ACD: variants seen among roughly 807,000 people sequenced by gnomAD.
ACD encodes adrenocortical dysplasia protein homolog.
Under a neutral mutation model 53.9 loss-of-function variants are expected in ACD, and 39 were observed. The ratio of observed to expected loss-of-function variants is 0.72; its 90% CI spans 0.56 to 0.95. The LOEUF is 0.95. ACD is among the 40% of genes least tolerant of loss of function. ACD has a pLI of 0.00. For missense variants in ACD, 526 were observed against 587.9 expected, an observed-to-expected ratio of 0.89 and a Z score of 1.09; for synonymous variants, 273 against 249.2, an observed-to-expected ratio of 1.10 and a Z score of -0.90.
intron 5 of ACD, 38 bp downstream of exon 5, chr16:67,659,336 CA>C: frequency 6.2e-7 from 1 of 1,614,070 alleles, no homozygotes; most frequent in Non-Finnish European, 8.5e-7. Context: ...ATCCCCTCAC[CA>C]AACAACACGT....
intron 9 of ACD, 64 bp from the exon 10 acceptor site, chr16:67,658,426 G>C: frequency 6.2e-7 from 1 of 1,610,406 alleles, no homozygotes; most frequent in South Asian, 1.1e-5. Context: ...AGTGGCCTGC[G>C]AGCTCAGACA....
At position 67,658,279 on chromosome 16, in the gene ACD, G is replaced by A; in HGVS notation, c.913C>T (p.Pro305Ser). Residue 305 changes from proline to serine, a missense_variant, in exon 10 of 12, where the codon CCA becomes TCA. Physicochemically the swap from Pro to Ser is moderately conservative, Grantham distance 74. Coordinates refer to ENST00000620761, the MANE Select transcript of ACD (RefSeq NM_001082486.2). ...SLLPALSLAA[P>S]DPGQRSSSQP... ...GAGCTGCTTCTCTGCCCTGGGTCTG[G>A]AGCAGCCAAGGACAGGGCAGGCAGA... 1.2e-6 allele frequency: 2 copies of A among 1,613,754 alleles called. No homozygotes were observed. Among genetic ancestry groups the A allele is most frequent in the East Asian group, 2.2e-5 (1 of 44,888 alleles).
Position 67,657,801 on chromosome 16 carries a change from G to C in ACD, c.1259C>G (p.Pro420Arg), listed in dbSNP as rs750023370. The C allele has an allele frequency of 9.9e-6, 16 of 1,614,116 alleles. No individual in the cohort carries two copies. Among genetic ancestry groups the C allele is most frequent in the Middle Eastern group, 1.6e-4 (1 of 6,062 alleles). Reference protein sequence around the residue: ...DGSAFQYEYEPPCTSLCARVQ... With the variant: ...DGSAFQYEYERPCTSLCARVQ... ...CCGAGCACAGAGGGACGTGCAGGGT[G>C]GCTCATACTCATACTGGAAGGCAGA... Residue 420 changes from proline to arginine, a missense_variant, in exon 11 of 12, where the codon CCA becomes CGA. Physicochemically the swap from Pro to Arg is moderately radical, Grantham distance 103 (BLOSUM62 -2). Transcript: ENST00000620761. This position sits in a 1 kb window ranked among gnomAD's most constrained non-coding sequence, Gnocchi z 4.5.
In ACD at chr16:67,658,286, C is replaced by G. The variant is rs2052916529; in HGVS notation, c.906G>C (p.Leu302Phe). 6.2e-7 allele frequency: 1 copy of G among 1,613,684 alleles called. No individual in the cohort carries two copies. The highest frequency in any genetic ancestry group is 1.3e-5 in the African/African-American group (1 of 74,908). ...TTCTCTGCCCTGGGTCTGGAGCAGC[C>G]AAGGACAGGGCAGGCAGAAGGCTGA... ...TSISLLPALS[L>F]AAPDPGQRSS... Residue 302 changes from leucine (L) to phenylalanine (F), a missense_variant, in exon 10 of 12, where the codon TTG (leucine) becomes TTC (phenylalanine). By Grantham distance (22) the Leu-to-Phe change is conservative. Transcript: ENST00000620761.
In ACD at chr16:67,658,346, G is replaced by A. The variant is rs199856965; in HGVS notation, c.846C>T (p.Pro282=). 2.8e-5 allele frequency: 45 copies of A among 1,613,704 alleles called. No individual in the cohort carries two copies. In the Admixed American group the frequency reaches 4.8e-4, roughly 17 times the overall value. ...SPSSSGTPAL[P]GHMSSEESGT... ...CACTTTCCTCGGATGACATGTGGCCGGGTAAGGCCGGGGTTCCTGAGGAGG... is the reference window on the plus strand; with the variant it reads ...CACTTTCCTCGGATGACATGTGGCCAGGTAAGGCCGGGGTTCCTGAGGAGG... Residue 282 remains proline (P), a synonymous_variant, in exon 10 of 12, where the codon CCC becomes CCT. Transcript: ENST00000620761.
Position 67,658,611 on chromosome 16 carries a change from A to G in ACD, c.773T>C (p.Leu258Pro), listed in dbSNP as rs573094162. ...GPELPPPDPA[L>P]QDLSLTLIAS... Reference sequence around the variant, plus strand: ...TATGAGGGTCAGAGATAGGTCCTGCAGAGCCGGGTCTGGTGGGGGCAGCTC... The same window carrying G: ...TATGAGGGTCAGAGATAGGTCCTGCGGAGCCGGGTCTGGTGGGGGCAGCTC... Residue 258 changes from leucine to proline, a missense_variant, in exon 9 of 12, where the codon CTG (leucine) becomes CCG (proline). Leu to Pro is a moderately conservative substitution (Grantham distance 98, BLOSUM62 -3). Coordinates refer to ENST00000620761, the MANE Select transcript of ACD (RefSeq NM_001082486.2). 3 of 1,576,896 alleles carry G rather than the reference A, an allele frequency of 1.9e-6. 1 individual carries two copies. The highest frequency in any genetic ancestry group is 2.3e-5 in the South Asian group (2 of 85,120).
At chr16:67,659,105 G>A in intron 6 of ACD, 26 bp from the exon 7 acceptor site, 2 of 1,612,456 alleles carry the variant, frequency 1.2e-6, no homozygotes, top group Non-Finnish European at 1.7e-6. Flanking sequence ...CATGGGATGA[G>A]TCAAGGCTTA....
Position 67,658,178 on chromosome 16 carries a change from G to A in ACD, c.1014C>T (p.Ser338=), listed in dbSNP as rs763436044. Residue 338 remains serine, a synonymous_variant, in exon 10 of 12, where the codon AGC becomes AGT. Coordinates refer to ENST00000620761, the MANE Select transcript of ACD (RefSeq NM_001082486.2). The part of the protein sequence containing the change: ...PRSPHASRTP[S]SPLQSCTPSL... ...TGGGAGTGCAGCTCTGGAGTGGGGAGCTGGGGGTACGGCTGGCGTGTGGGG... is the reference window on the plus strand; with the variant it reads ...TGGGAGTGCAGCTCTGGAGTGGGGAACTGGGGGTACGGCTGGCGTGTGGGG... The A allele has an allele frequency of 1.2e-6, 2 of 1,611,098 alleles. No individual in the cohort carries two copies. Among genetic ancestry groups the A allele is most frequent in the Non-Finnish European group, 1.7e-6 (2 of 1,178,506 alleles).
chr16:67,658,155 G>A lies in ACD; in HGVS notation c.1037C>T (p.Pro346Leu). Residue 346 changes from proline (P) to leucine (L), a missense_variant, in exon 10 of 12, where the codon CCC becomes CTC. Coordinates refer to ENST00000620761, the MANE Select transcript of ACD (RefSeq NM_001082486.2). ...GACATGGCTACGGGGTGAGAGACTGGGAGTGCAGCTCTGGAGTGGGGAGCT... is the reference window on the plus strand; with the variant it reads ...GACATGGCTACGGGGTGAGAGACTGAGAGTGCAGCTCTGGAGTGGGGAGCT... ...TPSSPLQSCT[P>L]SLSPRSHVPS... 6.2e-7 allele frequency: 1 copy of A among 1,606,394 alleles called. No individual in the cohort carries two copies. Among genetic ancestry groups the A allele is most frequent in the Non-Finnish European group, 8.5e-7 (1 of 1,175,510 alleles).
rs896790646 is a variant in ACD, at chr16:67,657,926, C to T, written c.1206+60G>A. On this transcript the variant is annotated intron_variant, in intron 10 of 11. Transcript: ENST00000620761. This position sits in a 1 kb window ranked among gnomAD's most constrained non-coding sequence, Gnocchi z 4.5. ...CCATCCAAGGCTACCCATGCTCCCT[C>T]CCAGCTCTACCTCAGGCCTTCCTTG... 1.9e-6 allele frequency: 3 copies of T among 1,609,118 alleles called. No individual in the cohort carries two copies. The African/African-American group carries it at 4.0e-5, about 21-fold the overall frequency.
chr16:67,658,474 C>T (rs2052921462), intron 9 of ACD, 81 bp downstream of exon 9: 2 of 1,590,616 alleles, frequency 1.3e-6, no homozygotes, highest in South Asian at 1.1e-5. Flanking sequence ...ACCCACCGTG[C>T]ACCTTTCACA....
At position 67,659,556 on chromosome 16, in the gene ACD, G is replaced by T. The variant is rs2052957232; in HGVS notation, c.394C>A (p.Arg132=). ...ACTTACCAACCAGGCACCCGTAGCCGGGGCTGCTCCGTGGGCAGCAGGCTG... is the reference window on the plus strand; with the variant it reads ...ACTTACCAACCAGGCACCCGTAGCCTGGGCTGCTCCGTGGGCAGCAGGCTG... ...RFSLLPTEQP[R]LRVPGCNQDL... Residue 132 remains arginine, a synonymous_variant, in exon 4 of 12, where the codon CGG becomes AGG. Transcript: ENST00000620761. The T allele has an allele frequency of 5.0e-6, 8 of 1,613,008 alleles. No homozygotes were observed. The highest frequency in any genetic ancestry group is 6.8e-6 in the Non-Finnish European group (8 of 1,179,430).
In ACD at chr16:67,659,542, AG is replaced by A; in HGVS notation, c.407del (p.Pro136LeufsTer7). The A allele has an allele frequency of 6.2e-7, 1 of 1,613,000 alleles. No individual in the cohort carries two copies. The highest frequency in any genetic ancestry group is 1.3e-5 in the African/African-American group (1 of 75,030). Reference sequence around the variant, plus strand: ...AGGGCGGAGGCATCACTTACCAACCAGGCACCCGTAGCCGGGGCTGCTCCGT... The same window carrying A: ...AGGGCGGAGGCATCACTTACCAACCAGCACCCGTAGCCGGGGCTGCTCCGT... ...LPTEQPRLRV[P>X]GCNQDLDVQK... On this transcript the variant is annotated frameshift_variant, in exon 4 of 12. Coordinates refer to ENST00000620761, the MANE Select transcript of ACD (RefSeq NM_001082486.2). LOFTEE classifies it high-confidence loss of function.
At chr16:67,659,335 C>T (rs756878832) in intron 5 of ACD, 40 bp downstream of exon 5, 2 of 1,613,970 alleles carry the variant, frequency 1.2e-6, no homozygotes, top group African/African-American at 1.3e-5. Flanking sequence ...CATCCCCTCA[C>T]CAAACAACAC....
Position 67,659,277 on chromosome 16 carries a change from G to A in ACD, c.459-14C>T, listed in dbSNP as rs2142972775. 1.9e-6 allele frequency: 3 copies of A among 1,614,168 alleles called. No homozygotes were observed. Among genetic ancestry groups the A allele is most frequent in the Non-Finnish European group, 2.5e-6 (3 of 1,180,022 alleles). On this transcript the variant is annotated splice_polypyrimidine_tract_variant and intron_variant, in intron 5 of 11. Coordinates refer to ENST00000620761, the MANE Select transcript of ACD (RefSeq NM_001082486.2). ...GAAAGGTGCTCCCTACAGGAAGAGA[G>A]TGGCCAGGACTCAGGAACCATGCTG...
rs749194960 is a variant in ACD, at chr16:67,657,973, G to A, written c.1206+13C>T. 2.5e-6 allele frequency: 4 copies of A among 1,581,992 alleles called. No individual in the cohort carries two copies. In the East Asian group the frequency reaches 6.7e-5, roughly 27 times the overall value. ...CTTGTTCTACCCTCCAGCTGCAGAGGGGCTATGCTCACCCAGACAGAGCAG... is the reference window on the plus strand; with the variant it reads ...CTTGTTCTACCCTCCAGCTGCAGAGAGGCTATGCTCACCCAGACAGAGCAG... On this transcript the variant is annotated intron_variant, in intron 10 of 11. Coordinates refer to ENST00000620761, the MANE Select transcript of ACD (RefSeq NM_001082486.2). The surrounding 1 kb of genome is among the most constrained non-coding windows in gnomAD (Gnocchi z 4.5).
intron 1 of ACD, 35 bp downstream of exon 1, chr16:67,660,087 C>T: frequency 6.2e-7 from 1 of 1,611,382 alleles, no homozygotes; most frequent in Non-Finnish European, 8.5e-7. Context: ...CCCCGGGCCT[C>T]CGCCTCGGTC....
intron 1 of ACD, 33 bp from the exon 2 acceptor site, chr16:67,660,078 C>G: frequency 6.2e-7 from 1 of 1,610,952 alleles, no homozygotes; most frequent in Admixed American, 1.7e-5. Context: ...ATCCCACCAC[C>G]CCGGGCCTCC....
In ACD at chr16:67,658,898, GA is replaced by G. The variant is rs752748625; in HGVS notation, c.645+29del. The G allele has an allele frequency of 2.5e-6, 4 of 1,608,580 alleles. No homozygotes were observed. In the South Asian group the frequency reaches 4.4e-5, roughly 18 times the overall value. ...TGACCCTTGCCCAACTCCTCACCCT[GA>G]CATCTCCCAAGCAAATCCCCAGACT... is the stretch of plus-strand genomic sequence containing the variant. On this transcript the variant is annotated intron_variant, in intron 7 of 11. Coordinates refer to ENST00000620761, the MANE Select transcript of ACD (RefSeq NM_001082486.2).
Sources: allele counts gnomAD v4.1 joint callset, GRCh38; gene constraint gnomAD v4.1.1; non-coding constraint Gnocchi (gnomAD v3.1); transcripts MANE v1.5; gene names NCBI Gene and HGNC (gene_info 2026-07-23, HGNC 2026-07-21).